MLIP: variants seen among roughly 807,000 people sequenced by gnomAD.
MLIP encodes muscular LMNA-interacting protein.
Under a neutral mutation model 84.8 loss-of-function variants are expected in MLIP, and 79 were observed. That is an observed-to-expected ratio of 0.93 (90% CI 0.78 to 1.12). MLIP has a LOEUF of 1.12. Ranked by LOEUF, MLIP falls within the 50% of genes most tolerant of loss-of-function variation. The pLI is 0.00. For synonymous variants in MLIP, 504 were observed against 463.0 expected, an observed-to-expected ratio of 1.09 and a Z score of -1.14; for missense variants, 1,257 against 1,160.6, an observed-to-expected ratio of 1.08 and a Z score of -1.21.
At chr6:54,076,521 G>A (rs948705890) in intron 1 of MLIP, among the ~76,000 whole-genome samples, 6 of 152,334 alleles carry the variant, frequency 3.9e-5, no homozygotes, top group African/African-American at 1.2e-4. Flanking sequence ...GGCATTGCAA[G>A]TGGGGTTTAA....
At chr6:54,219,199 C>G (rs1371343338) in intron 11 of MLIP, among the ~76,000 whole-genome samples, 1 of 149,068 alleles carries the variant, frequency 6.7e-6, no homozygotes, top group African/African-American at 2.5e-5. Flanking sequence ...AGCGAGACTC[C>G]GTCTCAAAAA....
At chr6:54,141,312 CTTT>C (rs376576497) in intron 4 of MLIP, among the ~76,000 whole-genome samples, 3 of 128,450 alleles carry the variant, frequency 2.3e-5, no homozygotes, top group African/African-American at 3.1e-5. Flanking sequence ...CTCAGCCTGC[CTTT>C]TTTTTTTTTT....
upstream of MLIP, chr6:54,111,337 A>C (rs774156583): frequency 1.0e-4 from 138 of 1,380,076 alleles, 1 homozygote; most frequent in Non-Finnish European, 1.2e-4. Context: ...CGGAGCTGAC[A>C]CAATTCCTCA....
intron 9 of MLIP, among the ~76,000 whole-genome samples, chr6:54,184,457 T>G (rs1240140181): frequency 6.6e-6 from 1 of 152,170 alleles, no homozygotes; most frequent in Non-Finnish European, 1.5e-5. Flanking sequence ...CTGTCATGAA[T>G]GTGAAATGCT....
chr6:54,027,125 C>A lies in MLIP; in HGVS notation c.63+8034C>A, dbSNP rs536999766. Reference sequence around the variant, plus strand: ...CAGAAGTCCTTGTTATTAGATGAAACCTTCCTTTTAGAATAGAAAGTTCAC... The same window carrying A: ...CAGAAGTCCTTGTTATTAGATGAAAACTTCCTTTTAGAATAGAAAGTTCAC... On this transcript the variant is annotated intron_variant, in intron 1 of 12. Coordinates refer to the MLIP transcript ENST00000274897. Among the ~76,000 whole-genome samples, 21 of 152,050 alleles carry A rather than the reference C, an allele frequency of 1.4e-4. No homozygotes were observed. In the East Asian group the frequency reaches 3.9e-3, roughly 28 times the overall value.
chr6:54,203,846 A>T (rs1332851179), intron 11 of MLIP: 1 of 152,190 alleles, frequency 6.6e-6, no homozygotes. Context: ...TCCGCCTCCC[A>T]AAGTGCTGGG....
intron 11 of MLIP, among the ~76,000 whole-genome samples, chr6:54,211,830 A>G (rs1779471582): frequency 6.6e-6 from 1 of 152,204 alleles, no homozygotes; most frequent in Non-Finnish European, 1.5e-5. Context: ...GGACTAGAAC[A>G]TCTCTTGGCA....
chr6:54,140,441 G>C (rs1015085217), intron 4 of MLIP, among the ~76,000 whole-genome samples: 5 of 151,990 alleles, frequency 3.3e-5, no homozygotes, highest in Admixed American at 1.3e-4. Context: ...AAAATTCAAA[G>C]AAATGCAAAG....
At chr6:54,143,190 T>C (rs989558546) in intron 4 of MLIP, among the ~76,000 whole-genome samples, 3 of 150,912 alleles carry the variant, frequency 2.0e-5, no homozygotes, top group Non-Finnish European at 4.4e-5. Flanking sequence ...TCTTCCTCTC[T>C]AACCCCGCAC....
intron 1 of MLIP, among the ~76,000 whole-genome samples, chr6:54,091,008 A>T (rs1046106997): frequency 1.9e-4 from 29 of 152,140 alleles, no homozygotes; most frequent in Admixed American, 1.9e-3. Context: ...GGCCAAATAT[A>T]TCTTCGTTGC....
intron 1 of MLIP, among the ~76,000 whole-genome samples, chr6:54,084,966 T>C (rs1360274117): frequency 6.6e-6 from 1 of 152,218 alleles, no homozygotes; most frequent in East Asian, 1.9e-4. Flanking sequence ...TCCAATTTTG[T>C]AGCAAACCTC....
At chr6:54,256,859 C>T (rs1783039529) in intron 12 of MLIP, among the ~76,000 whole-genome samples, 1 of 152,030 alleles carries the variant, frequency 6.6e-6, no homozygotes, top group Non-Finnish European at 1.5e-5. Flanking sequence ...TAAGTACTGT[C>T]TATAGATGCA....
At chr6:54,209,987 C>A in intron 11 of MLIP, among the ~76,000 whole-genome samples, 1 of 143,444 alleles carries the variant, frequency 7.0e-6, no homozygotes, top group African/African-American at 2.6e-5. Context: ...CCTTTTTCTT[C>A]TTTGATTTAA....
intron 12 of MLIP, among the ~76,000 whole-genome samples, chr6:54,255,813 T>G (rs763873971): frequency 1.2e-3 from 186 of 152,302 alleles, no homozygotes; most frequent in Non-Finnish European, 2.4e-3. Context: ...ATTCTTCTTT[T>G]CTGTTTTAGG....
At chr6:54,045,039 T>C (rs547075517) in intron 1 of MLIP, among the ~76,000 whole-genome samples, 1 of 152,276 alleles carries the variant, frequency 6.6e-6, no homozygotes, top group African/African-American at 2.4e-5. Context: ...ATGATATCTC[T>C]TCCTTCAGTA....
Position 54,138,188 on chromosome 6 carries a change from T to C in MLIP, c.2119T>C (p.Ser707Pro). 1 of 1,536,136 alleles carries C rather than the reference T, an allele frequency of 6.5e-7. No homozygotes were observed. The highest frequency in any genetic ancestry group is 8.7e-7 in the Non-Finnish European group (1 of 1,146,898). The change falls in exon 4 of 14, where the codon TCA becomes CCA. Residue 707 changes from serine to proline, a missense_variant. Physicochemically the swap from Ser to Pro is moderately conservative, Grantham distance 74. Transcript: ENST00000502396. ...STTPNHRSPV[S>P]TPSLPISLTR... is the part of the protein sequence containing the mutation. ...CACCCCCAACCACAGGTCACCTGTT[T>C]CAACCCCATCACTTCCCATATCTCT...
chr6:54,141,981 A>G (rs1772356268), intron 4 of MLIP, among the ~76,000 whole-genome samples: 1 of 152,242 alleles, frequency 6.6e-6, no homozygotes. Context: ...TATTCACAAA[A>G]GTCTCCTTCC....
At chr6:54,111,943 C>T (rs974912510) in intron 1 of MLIP, among the ~76,000 whole-genome samples, 4 of 152,166 alleles carry the variant, frequency 2.6e-5, no homozygotes, top group African/African-American at 9.7e-5. Context: ...GAGCTGTTAG[C>T]CTGCGTGGCA....
intron 1 of MLIP, among the ~76,000 whole-genome samples, chr6:54,026,105 G>A (rs1763787081): frequency 6.6e-6 from 1 of 152,166 alleles, no homozygotes; most frequent in Non-Finnish European, 1.5e-5. Flanking sequence ...GATTCTCTGA[G>A]TTTCTGAACA....
Sources: allele counts gnomAD v4.1 joint callset (sites outside exome capture counted in the v4.1 genomes callset), GRCh38; gene constraint gnomAD v4.1.1; transcripts MANE v1.5; gene names NCBI Gene and HGNC (gene_info 2026-07-23, HGNC 2026-07-21).